TMEM135: variants seen among roughly 807,000 people sequenced by gnomAD.
TMEM135 encodes the protein transmembrane protein 135.
In TMEM135, 30 loss-of-function variants were observed where a neutral mutation model predicts 60.3. That is an observed-to-expected ratio of 0.50 (90% CI 0.37 to 0.68). TMEM135 has a LOEUF of 0.68. TMEM135 is among the 30% of genes least tolerant of loss of function. TMEM135 has a pLI of 0.00. For synonymous variants in TMEM135, 190 were observed against 186.7 expected, an observed-to-expected ratio of 1.02 and a Z score of -0.14; for missense variants, 468 against 548.8, an observed-to-expected ratio of 0.85 and a Z score of 1.47.
At chr11:87,182,251 C>G (rs1939535850) in intron 5 of TMEM135, among the ~76,000 whole-genome samples, 1 of 151,942 alleles carries the variant, frequency 6.6e-6, no homozygotes. Flanking sequence ...CTATTTTAAA[C>G]AGATTCTGCA....
At chr11:87,246,096 C>G (rs1291255252) in intron 6 of TMEM135, among the ~76,000 whole-genome samples, 3 of 136,050 alleles carry the variant, frequency 2.2e-5, no homozygotes, top group South Asian at 2.5e-4. Context: ...TATTTTATTT[C>G]TCCTTCACTT....
At chr11:87,178,398 T>A (rs372917436) in intron 5 of TMEM135, 2 of 456,068 alleles carry the variant, frequency 4.4e-6, no homozygotes, top group African/African-American at 4.0e-5. Context: ...AATTATACAA[T>A]ATATGCCCTT....
At chr11:87,111,102 G>A (rs1328263186) in intron 4 of TMEM135, among the ~76,000 whole-genome samples, 1 of 152,140 alleles carries the variant, frequency 6.6e-6, no homozygotes, top group Admixed American at 6.5e-5. Flanking sequence ...TAGCTATAGA[G>A]TATATGTAGA....
At chr11:87,257,659 A>G (rs1470204658) in intron 6 of TMEM135, among the ~76,000 whole-genome samples, 2 of 152,240 alleles carry the variant, frequency 1.3e-5, no homozygotes, top group Non-Finnish European at 2.9e-5. Context: ...CTATTTATCA[A>G]AAATGTCCAG....
chr11:87,059,486 TTGTATTTTTAGTA>T (rs1949925751), intron 1 of TMEM135, among the ~76,000 whole-genome samples: 1 of 151,908 alleles, frequency 6.6e-6, no homozygotes, highest in African/African-American at 2.4e-5. Context: ...TGGCTAATTT[TTGTATTTTTAGTA>T]GAGACAAGGT....
intron 5 of TMEM135, among the ~76,000 whole-genome samples, chr11:87,173,369 C>T (rs1301698198): frequency 6.6e-6 from 1 of 152,066 alleles, no homozygotes; most frequent in Non-Finnish European, 1.5e-5. Context: ...CTTTGTTCCC[C>T]TGAATAATTA....
chr11:87,096,488 G>C (rs1233793793), intron 4 of TMEM135: 1 of 151,996 alleles, frequency 6.6e-6, no homozygotes, highest in East Asian at 1.9e-4. Context: ...AAATAAAAAA[G>C]ATATTTCAGT....
At chr11:87,302,924 G>A (rs537015504) in intron 8 of TMEM135, among the ~76,000 whole-genome samples, 39 of 152,216 alleles carry the variant, frequency 2.6e-4, no homozygotes, top group Admixed American at 2.4e-3. Context: ...AAGCTATCAT[G>A]TTTCATACAA....
chr11:87,097,054 C>T (rs560520276), intron 4 of TMEM135, among the ~76,000 whole-genome samples: 23 of 150,534 alleles, frequency 1.5e-4, no homozygotes, highest in African/African-American at 5.6e-4. Flanking sequence ...TGGAGTGCGG[C>T]GGCATGATCT....
intron 5 of TMEM135, among the ~76,000 whole-genome samples, chr11:87,211,871 G>C (rs1484319241): frequency 6.6e-6 from 1 of 152,020 alleles, no homozygotes; most frequent in African/African-American, 2.4e-5. Flanking sequence ...GTGAACCCGG[G>C]AGGTGGAGCT....
intron 5 of TMEM135, among the ~76,000 whole-genome samples, chr11:87,204,442 T>A (rs1161231099): frequency 6.6e-6 from 1 of 152,038 alleles, no homozygotes; most frequent in East Asian, 1.9e-4. Context: ...GGATTAGGAG[T>A]GTTGACCCCT....
At chr11:87,294,353 A>G (rs1942314648) in intron 6 of TMEM135, among the ~76,000 whole-genome samples, 1 of 152,200 alleles carries the variant, frequency 6.6e-6, no homozygotes. Context: ...CAGAAGACAT[A>G]GAGGAATAAT....
chr11:87,288,857 G>A (rs1399140910), intron 6 of TMEM135, among the ~76,000 whole-genome samples: 1 of 152,128 alleles, frequency 6.6e-6, no homozygotes, highest in Non-Finnish European at 1.5e-5. Flanking sequence ...AAGCACAGTG[G>A]CACATGCCTG....
chr11:87,203,032 C>CAAAAAAAAAAAAAAAAAAAAAAAAAA (rs534909524), intron 5 of TMEM135, among the ~76,000 whole-genome samples: 1 of 33,568 alleles, frequency 3.0e-5, no homozygotes, highest in African/African-American at 8.8e-5. Flanking sequence ...GACTCCGTCT[C>CAAAAAAAAAAAAAAAAAAAAAAAAAA]AAAAAAAAAA....
intron 5 of TMEM135, among the ~76,000 whole-genome samples, chr11:87,207,460 G>T (rs475752): frequency 0.13 from 19,791 of 151,270 alleles, 1,336 homozygotes; most frequent in Non-Finnish European, 0.15. Flanking sequence ...TTCAAGGGCT[G>T]CGTATTTCCA....
intron 9 of TMEM135, among the ~76,000 whole-genome samples, chr11:87,308,669 A>G (rs554301849): frequency 1.3e-3 from 194 of 152,246 alleles, no homozygotes; most frequent in African/African-American, 4.5e-3. Context: ...AGAAAGTACT[A>G]TTCTTTTTGT....
Position 87,045,989 on chromosome 11 carries a change from G to A in TMEM135, c.141+7803G>A, listed in dbSNP as rs187713772. 2.6e-5 allele frequency among the ~76,000 whole-genome samples: 4 copies of A among 152,302 alleles called. No individual in the cohort carries two copies. The East Asian group carries it at 7.7e-4, about 29-fold the overall frequency. On this transcript the variant is annotated intron_variant, in intron 1 of 14. Coordinates refer to ENST00000305494, the MANE Select transcript of TMEM135 (RefSeq NM_022918.4). ...ATGAATGAGACATACTTCTTACATTGAGTTTATAGTTTAGGAGGGGAGATT... is the reference window on the plus strand; with the variant it reads ...ATGAATGAGACATACTTCTTACATTAAGTTTATAGTTTAGGAGGGGAGATT...
At chr11:87,130,907 C>G (rs1937907671) in intron 4 of TMEM135, among the ~76,000 whole-genome samples, 2 of 150,412 alleles carry the variant, frequency 1.3e-5, no homozygotes, top group Admixed American at 1.3e-4. Context: ...GGTGCTAATT[C>G]TAATTTATGT....
chr11:87,302,378 C>G lies in TMEM135; in HGVS notation c.634C>G (p.Gln212Glu). Residue 212 changes from glutamine (Q) to glutamate (E), a missense_variant, in exon 8 of 15, where the codon CAA (glutamine) becomes GAA (glutamate). Gln to Glu is a conservative substitution (Grantham distance 29). Transcript: ENST00000305494. ...AYAKVEQKRE[Q>E]HEEKPGRMNM... ...TGCAAAAGTGGAACAAAAGAGAGAG[C>G]AACATGAGGAAAAACCCGGAAGAAT... 6.2e-7 allele frequency: 1 copy of G among 1,613,744 alleles called. No homozygotes were observed. The highest frequency in any genetic ancestry group is 8.5e-7 in the Non-Finnish European group (1 of 1,179,894).
Sources: allele counts gnomAD v4.1 joint callset (sites outside exome capture counted in the v4.1 genomes callset), GRCh38; gene constraint gnomAD v4.1.1; transcripts MANE v1.5; gene names NCBI Gene and HGNC (gene_info 2026-07-23, HGNC 2026-07-21).